PID1: variants seen among roughly 807,000 people sequenced by gnomAD.
PID1 encodes phosphotyrosine interaction domain containing 1, also known as PTB-containing, cubilin and LRP1-interacting protein.
PID1 carries 10 observed loss-of-function variants against 19.1 expected under a neutral mutation model. The ratio of observed to expected loss-of-function variants is 0.52; its 90% CI spans 0.32 to 0.89. The LOEUF (loss-of-function observed/expected upper bound fraction) is 0.89, where lower values mean the gene tolerates loss of function less well. PID1 is among the 40% of genes least tolerant of loss of function. The pLI is 0.03. For synonymous variants in PID1, 130 were observed against 116.0 expected (o/e 1.12, Z -0.78); for missense variants, 248 against 285.3 (o/e 0.87, Z 0.94).
At chr2:229,265,883 G>A (rs895038218) in intron 1 of PID1, among the ~76,000 whole-genome samples, 1 of 152,104 alleles carries the variant, frequency 6.6e-6, no homozygotes, top group African/African-American at 2.4e-5. Context: ...AAATGCAAAA[G>A]TTGCCTAACA....
At chr2:229,145,162 T>A (rs758095692) in intron 2 of PID1, among the ~76,000 whole-genome samples, 1 of 134,444 alleles carries the variant, frequency 7.4e-6, no homozygotes. Flanking sequence ...TGTGTATATA[T>A]ATATATATAT....
intron 2 of PID1, among the ~76,000 whole-genome samples, chr2:229,119,598 G>A (rs116564621): frequency 0.022 from 3,279 of 152,214 alleles, 113 homozygotes; most frequent in African/African-American, 0.075. Context: ...TGGGAACAAG[G>A]CAAGGTGTCA....
intron 1 of PID1, among the ~76,000 whole-genome samples, chr2:229,178,766 G>C (rs1021364468): frequency 6.7e-6 from 1 of 149,942 alleles, no homozygotes; most frequent in Non-Finnish European, 1.5e-5. Flanking sequence ...ATGTGATCGA[G>C]ACTACACATC....
chr2:229,231,180 C>CA (rs1178836535), intron 1 of PID1, among the ~76,000 whole-genome samples: 8 of 152,038 alleles, frequency 5.3e-5, no homozygotes, highest in Non-Finnish European at 7.4e-5. Context: ...TAGAGGCCAC[C>CA]GAGATCTCAG....
At chr2:229,214,853 TACACAC>T (rs201212588) in intron 1 of PID1, among the ~76,000 whole-genome samples, 47 of 148,958 alleles carry the variant, frequency 3.2e-4, no homozygotes, top group African/African-American at 8.6e-4. Flanking sequence ...TTTATATAGA[TACACAC>T]ACACACACAC....
At chr2:229,043,321 A>T (rs1574579312) in intron 2 of PID1, among the ~76,000 whole-genome samples, 1 of 146,206 alleles carries the variant, frequency 6.8e-6, no homozygotes, top group South Asian at 2.2e-4. Context: ...ATTTCTTTTT[A>T]AGAAGGGAGA....
intron 2 of PID1, among the ~76,000 whole-genome samples, chr2:229,042,684 C>G (rs771016165): frequency 6.6e-6 from 1 of 152,150 alleles, no homozygotes; most frequent in Non-Finnish European, 1.5e-5. Flanking sequence ...CAAAAGCTTT[C>G]AATGTCATAT....
intron 1 of PID1, among the ~76,000 whole-genome samples, chr2:229,200,354 GTTTT>G (rs1691472805): frequency 6.6e-6 from 1 of 151,976 alleles, no homozygotes; most frequent in Non-Finnish European, 1.5e-5. Flanking sequence ...CCAATAGTTT[GTTTT>G]GCTTTGACCA....
intron 2 of PID1, among the ~76,000 whole-genome samples, chr2:229,046,802 T>A (rs1693891155): frequency 6.6e-6 from 1 of 152,226 alleles, no homozygotes; most frequent in Non-Finnish European, 1.5e-5. Context: ...GATACCATCT[T>A]GCTTTCAAAA....
chr2:229,141,826 C>T (rs1003569022), intron 2 of PID1, among the ~76,000 whole-genome samples: 39 of 152,040 alleles, frequency 2.6e-4, no homozygotes, highest in Non-Finnish European at 3.2e-4. Context: ...ATTTAGAGCA[C>T]TCAGTACGCA....
intron 1 of PID1, among the ~76,000 whole-genome samples, chr2:229,157,361 C>T (rs1472900239): frequency 6.7e-6 from 1 of 148,604 alleles, no homozygotes; most frequent in South Asian, 2.1e-4. Flanking sequence ...ACCTGGGAGG[C>T]GGAGGTTGCA....
intron 1 of PID1, among the ~76,000 whole-genome samples, chr2:229,251,533 C>T (rs942082407): frequency 6.6e-6 from 1 of 152,086 alleles, no homozygotes; most frequent in Non-Finnish European, 1.5e-5. Flanking sequence ...CAGGCTTCTG[C>T]TCATATTTAT....
At chr2:229,237,102 A>C (rs949500321) in intron 1 of PID1, among the ~76,000 whole-genome samples, 8 of 152,156 alleles carry the variant, frequency 5.3e-5, no homozygotes, top group Non-Finnish European at 1.0e-4. Context: ...AAATTAAAAC[A>C]AACAGAGGAA....
intron 2 of PID1, among the ~76,000 whole-genome samples, chr2:229,108,007 T>A (rs1230769624): frequency 1.3e-5 from 2 of 152,206 alleles, no homozygotes; most frequent in African/African-American, 4.8e-5. Context: ...GCAACACACA[T>A]ACACACCGAC....
chr2:229,138,982 A>AGAAC (rs1213815551), intron 2 of PID1, among the ~76,000 whole-genome samples: 870 of 42,564 alleles, frequency 0.02, 62 homozygotes, highest in African/African-American at 0.074. Context: ...AAAAAATAGA[A>AGAAC]GAAAGAAAGA....
At chr2:229,219,173 C>T (rs1418849889) in intron 1 of PID1, among the ~76,000 whole-genome samples, 1 of 152,092 alleles carries the variant, frequency 6.6e-6, no homozygotes, top group Admixed American at 6.6e-5. Flanking sequence ...TCTTTACAGA[C>T]AGGGTCACTG....
intron 1 of PID1, among the ~76,000 whole-genome samples, chr2:229,176,778 A>G (rs1012567964): frequency 3.3e-5 from 5 of 152,224 alleles, no homozygotes; most frequent in South Asian, 2.1e-4. Context: ...TGGGCCAGAA[A>G]GAATCCAGCA....
intron 1 of PID1, among the ~76,000 whole-genome samples, chr2:229,262,039 C>G (rs1690474042): frequency 6.6e-6 from 1 of 152,072 alleles, no homozygotes; most frequent in Non-Finnish European, 1.5e-5. Flanking sequence ...TGAGGCTCAC[C>G]TGGAGGTCAA....
At chr2:229,239,965 G>A (rs1225145749) in intron 1 of PID1, among the ~76,000 whole-genome samples, 5 of 152,178 alleles carry the variant, frequency 3.3e-5, no homozygotes, top group African/African-American at 1.2e-4. Context: ...AACTCTAGGT[G>A]GGAGTTCTAT....
Sources: gnomAD v4.1 joint callset for allele counts (sites outside exome capture counted in the v4.1 genomes callset) on GRCh38, gnomAD v4.1.1 for gene constraint, MANE v1.5 for transcripts, NCBI Gene and HGNC (gene_info 2026-07-23, HGNC 2026-07-21) for gene names.